Variants in CSMD1 observed in about 807,000 individuals in gnomAD.
CSMD1 encodes the protein CUB and Sushi multiple domains 1, also known as CUB and sushi domain-containing protein 1.
CSMD1 carries 213 observed loss-of-function variants against 417.5 expected under a neutral mutation model. That is an observed-to-expected ratio of 0.51 (90% CI 0.46 to 0.57). CSMD1 has a LOEUF of 0.57. CSMD1 is among the 20% of genes least tolerant of loss of function. CSMD1 has a pLI of 0.00. For synonymous variants in CSMD1, 2,862 were observed against 1,736.8 expected (o/e 1.65, Z -16.11); for missense variants, 6,923 against 4,529.7 (o/e 1.53, Z -15.17).
At chr8:3,940,665 T>G (rs1036029070) in intron 5 of CSMD1, among the ~76,000 whole-genome samples, 3 of 152,000 alleles carry the variant, frequency 2.0e-5, no homozygotes, top group African/African-American at 7.2e-5. Flanking sequence ...TTCCTAGATG[T>G]TCCCAAATTT....
At chr8:4,176,980 G>A (rs866616430) in intron 3 of CSMD1, among the ~76,000 whole-genome samples, 1 of 151,690 alleles carries the variant, frequency 6.6e-6, no homozygotes, top group African/African-American at 2.4e-5. Context: ...CAATAAAAAT[G>A]GGAGACTTTA....
At chr8:3,313,881 C>G (rs902096964) in intron 23 of CSMD1, among the ~76,000 whole-genome samples, 20 of 152,112 alleles carry the variant, frequency 1.3e-4, no homozygotes, top group African/African-American at 4.8e-4. Flanking sequence ...AAATGTCCAA[C>G]AATGATAGAC....
chr8:3,998,280 G>C (rs552388303), intron 4 of CSMD1, among the ~76,000 whole-genome samples, 170 bp from the exon 5 acceptor site: 2 of 152,130 alleles, frequency 1.3e-5, no homozygotes, highest in Admixed American at 6.5e-5. Context: ...CTATGAAAAG[G>C]CTTACAAGAC....
At position 3,133,496 on chromosome 8, in the gene CSMD1, C is replaced by A. The variant is rs1284646685; in HGVS notation, c.6241+8969G>T. Among the ~76,000 whole-genome samples, 3 of 152,252 alleles carry A rather than the reference C, an allele frequency of 2.0e-5. No individual in the cohort carries two copies. The East Asian group carries it at 5.8e-4, about 30-fold the overall frequency. On this transcript the variant is annotated intron_variant, in intron 41 of 69. Coordinates refer to ENST00000635120, the MANE Select transcript of CSMD1 (RefSeq NM_033225.6). ...GGCGCCCCTGGGAGCAGAAGGCAATCCTGTTACTGTTACACTGGAAGGCTC... is the reference window on the plus strand; with the variant it reads ...GGCGCCCCTGGGAGCAGAAGGCAATACTGTTACTGTTACACTGGAAGGCTC...
chr8:4,296,707 T>TC (rs1363033293), intron 3 of CSMD1, among the ~76,000 whole-genome samples: 1 of 150,064 alleles, frequency 6.7e-6, no homozygotes, highest in East Asian at 1.9e-4. Context: ...TTTTTTTTTT[T>TC]TTTTTTTTCT....
At chr8:4,521,203 T>C (rs1803425675) in intron 2 of CSMD1, among the ~76,000 whole-genome samples, 1 of 152,050 alleles carries the variant, frequency 6.6e-6, no homozygotes, top group African/African-American at 2.4e-5. Context: ...GTTTTCTATA[T>C]AAAAATACTA....
At chr8:3,493,533 G>C in intron 11 of CSMD1, 90 bp downstream of exon 11, 3 of 1,115,658 alleles carry the variant, frequency 2.7e-6, no homozygotes, top group Non-Finnish European at 3.9e-6. Context: ...ACCTGAGGCC[G>C]AATTACAAGC....
intron 2 of CSMD1, among the ~76,000 whole-genome samples, chr8:4,431,346 T>C (rs940998764): frequency 2.6e-5 from 4 of 152,208 alleles, no homozygotes; most frequent in Non-Finnish European, 5.9e-5. Flanking sequence ...CTAACGTCTA[T>C]AAAATTGAAA....
At chr8:4,915,433 G>C (rs1421176822) in intron 1 of CSMD1, among the ~76,000 whole-genome samples, 1 of 152,162 alleles carries the variant, frequency 6.6e-6, no homozygotes, top group Non-Finnish European at 1.5e-5. Context: ...GTCGAGTATA[G>C]ATTGGAAACC....
chr8:3,435,953 C>T (rs554276386), intron 12 of CSMD1, among the ~76,000 whole-genome samples: 2 of 152,318 alleles, frequency 1.3e-5, no homozygotes, highest in Admixed American at 6.5e-5. Flanking sequence ...CAGATGCAAT[C>T]CATGCCATTT....
chr8:3,833,537 C>A (rs1010247536), intron 5 of CSMD1, among the ~76,000 whole-genome samples: 3 of 152,038 alleles, frequency 2.0e-5, no homozygotes, highest in African/African-American at 7.2e-5. Flanking sequence ...AATGAAGAAG[C>A]ACTTTTTTTG....
intron 2 of CSMD1, among the ~76,000 whole-genome samples, chr8:4,553,850 A>C (rs74724205): frequency 6.6e-6 from 1 of 152,186 alleles, no homozygotes; most frequent in Non-Finnish European, 1.5e-5. Flanking sequence ...CTGGGAAGAC[A>C]CAGGACTGGG....
At chr8:4,731,448 G>C (rs1321567033) in intron 1 of CSMD1, among the ~76,000 whole-genome samples, 1 of 152,120 alleles carries the variant, frequency 6.6e-6, no homozygotes, top group African/African-American at 2.4e-5. Flanking sequence ...TATAATTTAT[G>C]ATTTCAACTT....
chr8:3,284,266 A>T lies in CSMD1; in HGVS notation c.4031T>A (p.Leu1344Gln), dbSNP rs1296558311. 48 of 1,613,862 alleles carry T rather than the reference A, an allele frequency of 3.0e-5. No homozygotes were observed. The highest frequency in any genetic ancestry group is 4.0e-5 in the Non-Finnish European group (47 of 1,179,872). Reference sequence around the variant, plus strand: ...GGCGGAGCCACTCCACTCCTTCAGCAGGATGTCACTGTCCACCGGCCCGTC... The same window carrying T: ...GGCGGAGCCACTCCACTCCTTCAGCTGGATGTCACTGTCCACCGGCCCGTC... The part of the protein sequence containing the change: ...VWDGPVDSDI[L>Q]LKEWSGSALP... Residue 1344 changes from leucine (L) to glutamine (Q), a missense_variant, in exon 26 of 70, where the codon CTG becomes CAG. By Grantham distance (113) the Leu-to-Gln change is moderately radical. Transcript: ENST00000635120.
chr8:3,790,558 T>C (rs1052711668), intron 5 of CSMD1, among the ~76,000 whole-genome samples: 14 of 152,310 alleles, frequency 9.2e-5, no homozygotes, highest in African/African-American at 2.9e-4. Context: ...CTTAGACAAC[T>C]AGGAACAATC....
chr8:4,919,220 T>G (rs1563764291), intron 1 of CSMD1, among the ~76,000 whole-genome samples: 1 of 152,200 alleles, frequency 6.6e-6, no homozygotes, highest in Non-Finnish European at 1.5e-5. Flanking sequence ...ACTTTGTAAT[T>G]TAGTCATAGC....
At chr8:3,725,780 GA>G (rs1280801138) in intron 6 of CSMD1, among the ~76,000 whole-genome samples, 1 of 152,128 alleles carries the variant, frequency 6.6e-6, no homozygotes, top group Non-Finnish European at 1.5e-5. Flanking sequence ...GGGAACACGT[GA>G]AAACCATTGA....
intron 5 of CSMD1, among the ~76,000 whole-genome samples, chr8:3,820,103 G>C (rs1218479245): frequency 1.3e-5 from 2 of 152,194 alleles, no homozygotes; most frequent in African/African-American, 2.4e-5. Flanking sequence ...TTCAGGGACA[G>C]ATGCACTGCT....
chr8:4,853,075 T>C (rs1350532883), intron 1 of CSMD1, among the ~76,000 whole-genome samples: 1 of 152,190 alleles, frequency 6.6e-6, no homozygotes, highest in African/African-American at 2.4e-5. Context: ...TTTGGAAAAT[T>C]TGCAGCCTAC....
Sources: allele counts gnomAD v4.1 joint callset (sites outside exome capture counted in the v4.1 genomes callset), GRCh38; gene constraint gnomAD v4.1.1; transcripts MANE v1.5; gene names NCBI Gene and HGNC (gene_info 2026-07-23, HGNC 2026-07-21).